RB1: variants seen among roughly 807,000 people sequenced by gnomAD.
RB1 encodes RB transcriptional corepressor 1, also known as retinoblastoma-associated protein.
In RB1, 18 loss-of-function variants were observed where a neutral mutation model predicts 135.4. That is an observed-to-expected ratio of 0.13 (90% CI 0.09 to 0.20). The LOEUF (loss-of-function observed/expected upper bound fraction) is 0.20, where lower values mean the gene tolerates loss of function less well. RB1 is among the 10% of genes least tolerant of loss of function. The pLI, the probability that RB1 is intolerant of heterozygous loss-of-function variation, is 1.00. For synonymous variants in RB1, 365 were observed against 373.2 expected, an observed-to-expected ratio of 0.98 and a Z score of 0.25; for missense variants, 868 against 1,110.0, an observed-to-expected ratio of 0.78 and a Z score of 3.10.
intron 17 of RB1, among the ~76,000 whole-genome samples, chr13:48,451,437 T>C (rs776880528): frequency 1.6e-4 from 25 of 152,240 alleles, no homozygotes; most frequent in Non-Finnish European, 3.1e-4. Flanking sequence ...GGTTTGCATA[T>C]GTTGAACCAG....
intron 2 of RB1, among the ~76,000 whole-genome samples, chr13:48,336,700 A>T (rs1432449476): frequency 7.0e-6 from 1 of 143,770 alleles, no homozygotes; most frequent in Non-Finnish European, 1.5e-5. Context: ...TTCTGCTCTG[A>T]TCTTAGTTAT....
chr13:48,341,892 A>G (rs2138082418), intron 2 of RB1, among the ~76,000 whole-genome samples: 1 of 152,094 alleles, frequency 6.6e-6, no homozygotes, highest in South Asian at 2.1e-4. Flanking sequence ...TTCCAACTTA[A>G]TGTAATCCAA....
At chr13:48,320,356 C>G in intron 2 of RB1, 1 of 1,243,568 alleles carries the variant, frequency 8.0e-7, no homozygotes, top group Admixed American at 1.7e-5. Flanking sequence ...CACCGACACG[C>G]TCTCCACCCC....
At chr13:48,454,133 C>T (rs1271919512) in intron 18 of RB1, among the ~76,000 whole-genome samples, 1 of 152,160 alleles carries the variant, frequency 6.6e-6, no homozygotes, top group Non-Finnish European at 1.5e-5. Context: ...AGCCTGTTAA[C>T]TATAAAATAG....
chr13:48,346,070 T>A (rs903454296), intron 4 of RB1, among the ~76,000 whole-genome samples: 2 of 151,438 alleles, frequency 1.3e-5, no homozygotes, highest in Non-Finnish European at 2.9e-5. Flanking sequence ...TGCCCCTGGT[T>A]TTAATTGTAA....
rs151047164 is a variant in RB1, at chr13:48,411,416, C to T, written c.1695+29973C>T. ...AGGCAGCAGATTCATTGTCAAATAT[C>T]TTACTTTTTAAGGTCTGTAGGTTAT... On this transcript the variant is annotated intron_variant, in intron 17 of 26. Transcript: ENST00000267163. 1.2e-4 allele frequency: 196 copies of T among 1,612,480 alleles called. 2 individuals are homozygous for T. The East Asian group carries it at 1.5e-3, about 12-fold the overall frequency.
chr13:48,355,901 G>T (rs1952585277), intron 6 of RB1, among the ~76,000 whole-genome samples: 1 of 152,044 alleles, frequency 6.6e-6, no homozygotes, highest in African/African-American at 2.4e-5. Flanking sequence ...AGAGTAGAAG[G>T]ATGGTTACCA....
chr13:48,383,269 C>T (rs1948550638), intron 17 of RB1, among the ~76,000 whole-genome samples: 1 of 151,828 alleles, frequency 6.6e-6, no homozygotes, highest in African/African-American at 2.4e-5. Context: ...AATATAGGGG[C>T]ACAAATTATA....
intron 6 of RB1, among the ~76,000 whole-genome samples, chr13:48,351,679 ATT>A (rs1351932338): frequency 7.0e-6 from 1 of 142,422 alleles, no homozygotes; most frequent in Non-Finnish European, 1.5e-5. Flanking sequence ...TCTAGGATCT[ATT>A]TTTTTTTTTT....
intron 17 of RB1, among the ~76,000 whole-genome samples, chr13:48,431,803 C>A (rs183955421): frequency 3.9e-5 from 6 of 152,208 alleles, no homozygotes; most frequent in African/African-American, 1.2e-4. Flanking sequence ...TGGATTTTTG[C>A]CCTGGCCATA....
At chr13:48,455,966 TA>T (rs1949357296) in intron 18 of RB1, among the ~76,000 whole-genome samples, 3 of 152,200 alleles carry the variant, frequency 2.0e-5, no homozygotes, top group Non-Finnish European at 2.9e-5. Flanking sequence ...CATATATAGC[TA>T]TTTTTTTCTA....
chr13:48,336,429 C>A (rs899703831), intron 2 of RB1, among the ~76,000 whole-genome samples: 1 of 152,016 alleles, frequency 6.6e-6, no homozygotes, highest in Non-Finnish European at 1.5e-5. Flanking sequence ...TGTATGTGTC[C>A]AGGAATTTAT....
At chr13:48,478,793 TG>T (rs1280369932) in intron 26 of RB1, among the ~76,000 whole-genome samples, 6 of 152,226 alleles carry the variant, frequency 3.9e-5, no homozygotes, top group African/African-American at 1.4e-4. Context: ...TTGCCCAGAA[TG>T]GAAGGGCATT....
At chr13:48,399,522 G>C (rs1423083072) in intron 17 of RB1, among the ~76,000 whole-genome samples, 1 of 151,968 alleles carries the variant, frequency 6.6e-6, no homozygotes, top group Non-Finnish European at 1.5e-5. Flanking sequence ...TTAGATGATT[G>C]CTTAAAGATC....
At chr13:48,473,922 TC>T (rs538375233) in intron 24 of RB1, among the ~76,000 whole-genome samples, 112 of 152,212 alleles carry the variant, frequency 7.4e-4, no homozygotes, top group African/African-American at 2.6e-3. Flanking sequence ...GTTGGGGGGT[TC>T]CGATAGTGCC....
chr13:48,347,279 G>T (rs1358458916), intron 4 of RB1, among the ~76,000 whole-genome samples: 1 of 152,088 alleles, frequency 6.6e-6, no homozygotes, highest in African/African-American at 2.4e-5. Context: ...AAATGAGTGG[G>T]AACTGGGAGC....
chr13:48,380,129 A>C (rs751628842), intron 15 of RB1, 36 bp from the exon 16 acceptor site: 9 of 1,484,934 alleles, frequency 6.1e-6, no homozygotes, highest in Non-Finnish European at 8.2e-6. Flanking sequence ...TTTTTATAGA[A>C]GTAAGTATTT....
intron 2 of RB1, among the ~76,000 whole-genome samples, chr13:48,329,541 A>G (rs1202667687): frequency 6.6e-6 from 1 of 152,148 alleles, no homozygotes; most frequent in East Asian, 1.9e-4. Flanking sequence ...TTTTTAAAGT[A>G]TTGGAAAACT....
chr13:48,395,967 A>T (rs531737952), intron 17 of RB1, among the ~76,000 whole-genome samples: 26 of 152,286 alleles, frequency 1.7e-4, no homozygotes, highest in African/African-American at 5.8e-4. Flanking sequence ...AAAAAATATT[A>T]AGAGCAGCCA....
Sources: allele counts gnomAD v4.1 joint callset (sites outside exome capture counted in the v4.1 genomes callset), GRCh38; gene constraint gnomAD v4.1.1; transcripts MANE v1.5; gene names NCBI Gene and HGNC (gene_info 2026-07-23, HGNC 2026-07-21).